The following THADA variants were observed in gnomAD, a reference collection of about 807,000 sequenced individuals.
THADA encodes the protein tRNA (32-2'-O)-methyltransferase regulator THADA.
A neutral mutation model predicts 219.8 loss-of-function variants in THADA; 213 were observed. The observed-to-expected ratio is 0.97, with a 90% CI of 0.87 to 1.09. THADA has a LOEUF of 1.09. THADA is among the 50% of genes least tolerant of loss of function. The pLI is 0.00. For missense variants in THADA, 2,956 were observed against 2,311.3 expected, an observed-to-expected ratio of 1.28 and a Z score of -5.72; for synonymous variants, 1,018 against 828.9, an observed-to-expected ratio of 1.23 and a Z score of -3.92.
chr2:43,574,698 G>T lies in THADA; in HGVS notation c.1367C>A (p.Thr456Lys). The change falls in exon 11 of 38, where the codon ACG becomes AAG. Residue 456 changes from threonine (T) to lysine (K), a missense_variant. Transcript: ENST00000405975. ...GCACTCTACCAAACAACCAAGGCAC[G>T]TGTACTTTCCTTTAATATGCCATTC... ...RLEWHIKGKY[T>K]CLGCLVECIG... 6.2e-7 allele frequency: 1 copy of T among 1,613,978 alleles called. No individual in the cohort carries two copies. Among genetic ancestry groups the T allele is most frequent in the Non-Finnish European group, 8.5e-7 (1 of 1,179,888 alleles).
chr2:43,352,703 G>C (rs1274146473), intron 29 of THADA, among the ~76,000 whole-genome samples: 2 of 152,056 alleles, frequency 1.3e-5, no homozygotes, highest in Admixed American at 6.5e-5. Context: ...GAAAGAGAGA[G>C]AGAGGGTTAC....
chr2:43,232,148 C>T (rs950044186), intron 37 of THADA, among the ~76,000 whole-genome samples: 13 of 152,138 alleles, frequency 8.5e-5, no homozygotes, highest in Admixed American at 4.6e-4. Context: ...TAAAACTCTC[C>T]GCATCCAGGG....
chr2:43,282,800 T>C (rs998514089), intron 35 of THADA, among the ~76,000 whole-genome samples: 2 of 152,362 alleles, frequency 1.3e-5, no homozygotes, highest in African/African-American at 4.8e-5. Context: ...CTTGGTTTTC[T>C]TATACATCAT....
At chr2:43,497,921 C>G (rs546983067) in intron 25 of THADA, among the ~76,000 whole-genome samples, 1 of 152,030 alleles carries the variant, frequency 6.6e-6, no homozygotes, top group South Asian at 2.1e-4. Context: ...AACTAGATGA[C>G]AGGTTGGTAG....
At chr2:43,236,698 T>C (rs1473911277) in intron 36 of THADA, among the ~76,000 whole-genome samples, 2 of 152,028 alleles carry the variant, frequency 1.3e-5, no homozygotes, top group Admixed American at 1.3e-4. Context: ...CAAAACAATC[T>C]TGAAAAAGAA....
intron 25 of THADA, among the ~76,000 whole-genome samples, chr2:43,491,837 C>A (rs72790938): frequency 6.6e-6 from 1 of 152,100 alleles, no homozygotes; most frequent in African/African-American, 2.4e-5. Context: ...ATCCTTCTCA[C>A]GAGGGAAGCA....
intron 22 of THADA, among the ~76,000 whole-genome samples, chr2:43,520,980 GAA>G (rs1692366340): frequency 2.1e-5 from 2 of 94,272 alleles, no homozygotes; most frequent in African/African-American, 4.9e-5. Context: ...AGGGAGGGAG[GAA>G]GGGAGGAAAG....
chr2:43,231,077 A>C lies in THADA; in HGVS notation c.5733T>G (p.Thr1911=). ...AGGCCAGCAGCCTCAAGCAAGCCAA[A>C]GTCCTTTCCTCTTGAATGCGTAGTC... ...FTRLRIQEER[T]LACLRLLAFL... Residue 1911 remains threonine, a synonymous_variant, in exon 38 of 38, where the codon ACT becomes ACG. Coordinates refer to ENST00000405975, the MANE Select transcript of THADA (RefSeq NM_022065.5). The C allele has an allele frequency of 6.2e-7, 1 of 1,613,948 alleles. No individual in the cohort carries two copies. The highest frequency in any genetic ancestry group is 1.6e-4 in the Middle Eastern group (1 of 6,062).
At chr2:43,248,154 TATATATATATAGAG>T (rs1421784022) in intron 36 of THADA, among the ~76,000 whole-genome samples, 17 of 85,226 alleles carry the variant, frequency 2.0e-4, no homozygotes, top group South Asian at 8.2e-4. Context: ...TATATATATA[TATATATATATAGAG>T]AGAGAGAGAG....
In THADA at chr2:43,594,136, C is replaced by T. The variant is rs539501727; in HGVS notation, c.-24-1720G>A. On this transcript the variant is annotated intron_variant, in intron 1 of 37. Coordinates refer to ENST00000405975, the MANE Select transcript of THADA (RefSeq NM_022065.5). Reference sequence around the variant, plus strand: ...TTGGACTCCTGAAACAGCTCCCTAACTGGTCTCCTGACTTCTACACTTACC... The same window carrying T: ...TTGGACTCCTGAAACAGCTCCCTAATTGGTCTCCTGACTTCTACACTTACC... 3.3e-5 allele frequency among the ~76,000 whole-genome samples: 5 copies of T among 152,304 alleles called. No homozygotes were observed. In the South Asian group the frequency reaches 8.3e-4, roughly 25 times the overall value.
intron 36 of THADA, among the ~76,000 whole-genome samples, chr2:43,276,861 T>C (rs1354447207): frequency 3.9e-5 from 6 of 152,126 alleles, no homozygotes; most frequent in African/African-American, 1.4e-4. Flanking sequence ...GCCAGAGGCA[T>C]GCCTTGTTAT....
At chr2:43,304,110 A>T (rs1676572247) in intron 31 of THADA, among the ~76,000 whole-genome samples, 1 of 152,092 alleles carries the variant, frequency 6.6e-6, no homozygotes, top group African/African-American at 2.4e-5. Context: ...CAACCCCTTC[A>T]TCTAGTGCTC....
At chr2:43,438,859 T>C (rs12471207) in intron 26 of THADA, among the ~76,000 whole-genome samples, 33,378 of 151,856 alleles carry the variant, frequency 0.22, 3,938 homozygotes, top group Non-Finnish European at 0.27. Context: ...TTAACAACAA[T>C]AATAATAAAC....
At chr2:43,254,275 G>T (rs954348938) in intron 36 of THADA, among the ~76,000 whole-genome samples, 3 of 152,116 alleles carry the variant, frequency 2.0e-5, no homozygotes, top group Admixed American at 6.5e-5. Flanking sequence ...TCCAAGAAAA[G>T]TGTGAGCTGA....
intron 36 of THADA, among the ~76,000 whole-genome samples, chr2:43,273,074 C>A (rs1672308389): frequency 6.6e-6 from 1 of 152,118 alleles, no homozygotes; most frequent in South Asian, 2.1e-4. Flanking sequence ...CATGTAGTAG[C>A]CCCATCTCTA....
At chr2:43,400,837 C>A (rs1328376693) in intron 28 of THADA, among the ~76,000 whole-genome samples, 2 of 151,916 alleles carry the variant, frequency 1.3e-5, no homozygotes, top group African/African-American at 4.8e-5. Flanking sequence ...TGTGAGTAGC[C>A]CCAAAAAGAG....
At chr2:43,471,107 CTAAG>C (rs1394616225) in intron 26 of THADA, among the ~76,000 whole-genome samples, 1 of 152,090 alleles carries the variant, frequency 6.6e-6, no homozygotes, top group Non-Finnish European at 1.5e-5. Context: ...CGTGGTTCTC[CTAAG>C]TAAATATACC....
chr2:43,461,426 A>C (rs1683629355), intron 26 of THADA, among the ~76,000 whole-genome samples: 1 of 152,158 alleles, frequency 6.6e-6, no homozygotes, highest in Admixed American at 6.5e-5. Flanking sequence ...TGAAAGGTAA[A>C]CCCAGTCCTA....
At chr2:43,523,052 C>T (rs1342891744) in intron 22 of THADA, among the ~76,000 whole-genome samples, 2 of 152,088 alleles carry the variant, frequency 1.3e-5, no homozygotes, top group East Asian at 3.8e-4. Flanking sequence ...TATTTAGACA[C>T]ATTTCCCAAA....
Sources: gnomAD v4.1 joint callset for allele counts (sites outside exome capture counted in the v4.1 genomes callset) on GRCh38, gnomAD v4.1.1 for gene constraint, MANE v1.5 for transcripts, NCBI Gene and HGNC (gene_info 2026-07-23, HGNC 2026-07-21) for gene names.